Variants in PLD5 observed in about 807,000 individuals in gnomAD.
PLD5 encodes the protein inactive phospholipase D5.
Under a neutral mutation model 61.1 loss-of-function variants are expected in PLD5, and 36 were observed. The observed-to-expected ratio is 0.59, with a 90% CI of 0.45 to 0.78. PLD5 has a LOEUF of 0.78. PLD5 is among the 30% of genes least tolerant of loss of function. PLD5 has a pLI of 0.00. For missense variants in PLD5, 515 were observed against 644.4 expected, an observed-to-expected ratio of 0.80 and a Z score of 2.17; for synonymous variants, 243 against 242.8, an observed-to-expected ratio of 1.00 and a Z score of -0.01.
At chr1:242,186,924 T>C (rs779758133) in intron 5 of PLD5, among the ~76,000 whole-genome samples, 1 of 152,218 alleles carries the variant, frequency 6.6e-6, no homozygotes, top group Non-Finnish European at 1.5e-5. Flanking sequence ...AAGGAGGAGA[T>C]AACATTCATC....
At chr1:242,490,049 A>T (rs57344124) in intron 1 of PLD5, among the ~76,000 whole-genome samples, 28,866 of 152,160 alleles carry the variant, frequency 0.19, 3,949 homozygotes, top group African/African-American at 0.39. Flanking sequence ...CTAAAATGGG[A>T]ATGGCAGTCC....
chr1:242,179,640 C>T (rs962661135), intron 5 of PLD5, among the ~76,000 whole-genome samples: 3 of 152,166 alleles, frequency 2.0e-5, no homozygotes, highest in Admixed American at 6.5e-5. Flanking sequence ...CAGTGGCTCA[C>T]GTCTGTAATC....
rs547203349 is a variant in PLD5 at position 242,263,869 on chromosome 1, A to G, written c.607+1468T>C. 1.8e-3 allele frequency among the ~76,000 whole-genome samples: 277 copies of G among 152,344 alleles called. 1 individual carries two copies. Among genetic ancestry groups the G allele is most frequent in the African/African-American group, 6.3e-3 (263 of 41,596 alleles). On this transcript the variant is annotated intron_variant, in intron 4 of 9. Transcript: ENST00000536534. ...CAGTAGCAAATATTCAGCAACTCCA[A>G]AGAAAATCTGTTAGGCTTCCTAATA...
intron 5 of PLD5, among the ~76,000 whole-genome samples, chr1:242,191,716 G>T (rs959177992): frequency 1.3e-4 from 20 of 152,056 alleles, no homozygotes; most frequent in Non-Finnish European, 4.4e-5. Context: ...AATGCTAGAC[G>T]TAAGAATGTA....
intron 2 of PLD5, among the ~76,000 whole-genome samples, chr1:242,310,128 T>C (rs1676615204): frequency 1.3e-5 from 2 of 152,078 alleles, no homozygotes; most frequent in African/African-American, 4.8e-5. Context: ...AGCTGGGGCA[T>C]AAAGTCAGCA....
At chr1:242,282,134 TAAC>T (rs1674749910) in intron 3 of PLD5, among the ~76,000 whole-genome samples, 3 of 152,152 alleles carry the variant, frequency 2.0e-5, no homozygotes. Flanking sequence ...TTCACGATCA[TAAC>T]AAACCCTTAT....
chr1:242,089,669 T>A lies in PLD5; in HGVS notation c.*185A>T. The A allele has an allele frequency of 2.9e-6, 2 of 696,472 alleles. No homozygotes were observed. The highest frequency in any genetic ancestry group is 4.6e-6 in the Non-Finnish European group (2 of 436,360). The allele number at this position is 696,472 out of a possible 1,614,324, so 43.1% of individuals were successfully genotyped here. On this transcript the variant is annotated 3_prime_UTR_variant, in exon 10 of 10. Coordinates refer to ENST00000536534, the MANE Select transcript of PLD5 (RefSeq NM_001372062.1). ...CTGTCAGAGGTAACAAATACAAAAG[T>A]CTTAATTTTAGTGTACACGACGCTA...
At chr1:242,384,850 C>A (rs1401911506) in intron 1 of PLD5, among the ~76,000 whole-genome samples, 1 of 152,132 alleles carries the variant, frequency 6.6e-6, no homozygotes, top group African/African-American at 2.4e-5. Flanking sequence ...TGAAGATATA[C>A]CTTCACTAAA....
chr1:242,346,560 A>G (rs7547952), intron 2 of PLD5, among the ~76,000 whole-genome samples: 151,410 of 152,316 alleles, frequency 0.99, 75,257 homozygotes, highest in Middle Eastern at 1. Context: ...CTGTTCTTCC[A>G]TTGCTTTCAT....
intron 5 of PLD5, among the ~76,000 whole-genome samples, chr1:242,160,170 T>C (rs1383648484): frequency 2.0e-5 from 3 of 151,978 alleles, no homozygotes; most frequent in Non-Finnish European, 4.4e-5. Flanking sequence ...TGCCACCACA[T>C]CTGGCTAATT....
intron 9 of PLD5, among the ~76,000 whole-genome samples, chr1:242,090,384 C>T (rs1659724570): frequency 6.6e-6 from 1 of 152,154 alleles, no homozygotes; most frequent in South Asian, 2.1e-4. Flanking sequence ...AATGTTATTT[C>T]TTATTGACAT....
intron 4 of PLD5, among the ~76,000 whole-genome samples, chr1:242,247,546 G>A (rs1167401904): frequency 6.6e-6 from 1 of 152,186 alleles, no homozygotes; most frequent in Non-Finnish European, 1.5e-5. Context: ...GTCACAAAGA[G>A]TCTATTTTGT....
At chr1:242,297,856 G>C (rs923594461) in intron 2 of PLD5, among the ~76,000 whole-genome samples, 4 of 150,552 alleles carry the variant, frequency 2.7e-5, no homozygotes, top group Non-Finnish European at 5.9e-5. Flanking sequence ...AGCCAGGATG[G>C]TCTCGATCTC....
chr1:242,443,099 A>G (rs1329736776), intron 1 of PLD5, among the ~76,000 whole-genome samples: 1 of 152,206 alleles, frequency 6.6e-6, no homozygotes, highest in African/African-American at 2.4e-5. Flanking sequence ...GAAATATTAA[A>G]TCCTATGGAC....
intron 1 of PLD5, among the ~76,000 whole-genome samples, chr1:242,440,251 G>A (rs556606069): frequency 7.2e-5 from 11 of 152,202 alleles, no homozygotes; most frequent in African/African-American, 2.6e-4. Context: ...GCATGATTTC[G>A]AGTCACCCCG....
Position 242,305,570 on chromosome 1 carries a change from T to C in PLD5, c.327-17040A>G, listed in dbSNP as rs1676300456. 1.3e-5 allele frequency among the ~76,000 whole-genome samples: 2 copies of C among 152,228 alleles called. 1 individual carries two copies. Among genetic ancestry groups the C allele is most frequent in the South Asian group, 4.2e-4 (2 of 4,812 alleles). ...GCCACTTCCATTTCTTATTTTTTTT[T>C]CTTTTTTGAGACGGAGTCTTGCTCT... On this transcript the variant is annotated intron_variant, in intron 2 of 9. Coordinates refer to ENST00000536534, the MANE Select transcript of PLD5 (RefSeq NM_001372062.1).
At chr1:242,377,211 C>A in intron 1 of PLD5, 1 of 1,611,510 alleles carries the variant, frequency 6.2e-7, no homozygotes, top group Non-Finnish European at 8.5e-7. Flanking sequence ...GCCACACTCC[C>A]GGCACTGGTA....
chr1:242,105,874 T>G (rs1661016089), intron 8 of PLD5, among the ~76,000 whole-genome samples: 1 of 152,192 alleles, frequency 6.6e-6, no homozygotes, highest in Admixed American at 6.5e-5. Context: ...GGGAATTATG[T>G]ACAACAAGAA....
chr1:242,407,556 G>GGTTTTTTTTTTTTTTTTTTTTTTTT (rs1553369639), intron 1 of PLD5, among the ~76,000 whole-genome samples: 1 of 105,514 alleles, frequency 9.5e-6, no homozygotes, highest in African/African-American at 4.7e-5. Flanking sequence ...TGTTGTGGTT[G>GGTTTTTTTTTTTTTTTTTTTTTTTT]TTTTGTTTTT....
Sources: gnomAD v4.1 joint callset for allele counts (sites outside exome capture counted in the v4.1 genomes callset) on GRCh38, gnomAD v4.1.1 for gene constraint, MANE v1.5 for transcripts, NCBI Gene and HGNC (gene_info 2026-07-23, HGNC 2026-07-21) for gene names.